SLC22A25: variants seen among roughly 807,000 people sequenced by gnomAD.
SLC22A25 encodes MGI:2442751, MGI:2385316, MGI:3042283, MGI:3645714, MGI:3605624, MGI:2442750.
SLC22A25 carries 44 observed loss-of-function variants against 45.9 expected under a neutral mutation model. The ratio of observed to expected loss-of-function variants is 0.96; its 90% confidence interval spans 0.75 to 1.23. The LOEUF is 1.23. Among genes scored for constraint, SLC22A25 ranks in the 50% most tolerant of loss-of-function variants. The pLI is 0.00. For synonymous variants in SLC22A25, 283 were observed against 238.6 expected, an observed-to-expected ratio of 1.19 and a Z score of -1.72; for missense variants, 800 against 666.4, an observed-to-expected ratio of 1.20 and a Z score of -2.21.
chr11:63,166,175 AAG>A lies in SLC22A25; in HGVS notation c.1152_1153del (p.Phe385TrpfsTer73). The stretch of plus-strand genomic sequence containing the variant: ...ATTGGCCAGGAGGGTGACTGCACCA[AAG>A]AGAGTCTGCAACAGGAAAACATTGT... On this transcript the variant is annotated frameshift_variant, in exon 10 of 12. Coordinates refer to ENST00000306494, the MANE Select transcript of SLC22A25 (RefSeq NM_199352.6). LOFTEE classifies it high-confidence loss of function. 6.2e-7 allele frequency: 1 copy of A among 1,614,036 alleles called. No individual in the cohort carries two copies.
chr11:63,204,342 CAAATA>C lies in SLC22A25; in HGVS notation c.830+12967_830+12971del, dbSNP rs375224173. Among the ~76,000 whole-genome samples the C allele has an allele frequency of 3.5e-3, 539 of 152,164 alleles. 2 individuals carry two copies. Among genetic ancestry groups the C allele is most frequent in the African/African-American group, 0.012 (483 of 41,486 alleles). On this transcript the variant is annotated intron_variant, in intron 7 of 11. Transcript: ENST00000306494. ...TTAAATGTAAATGGGCTAAATGCCC[CAAATA>C]AAATACACAGATGGGCAAATTGGAT...
At chr11:63,241,052 T>C (rs527652706) in intron 1 of SLC22A25, among the ~76,000 whole-genome samples, 1 of 152,376 alleles carries the variant, frequency 6.6e-6, no homozygotes, top group Non-Finnish European at 1.5e-5. Flanking sequence ...TATCTTGTCA[T>C]GTTTAACTGC....
At chr11:63,170,033 G>A (rs185395819) in intron 9 of SLC22A25, among the ~76,000 whole-genome samples, 16 of 152,036 alleles carry the variant, frequency 1.1e-4, no homozygotes, top group Admixed American at 3.9e-4. Context: ...ACTCAACTAC[G>A]TGGAAACTGA....
At chr11:63,201,817 A>AAAAC (rs1554977882) in intron 7 of SLC22A25, among the ~76,000 whole-genome samples, 6 of 152,038 alleles carry the variant, frequency 3.9e-5, no homozygotes, top group Non-Finnish European at 4.4e-5. Context: ...TTCAATAAAA[A>AAAAC]AACCCCATTA....
In SLC22A25 at chr11:63,195,593, A is replaced by T. The variant is rs184440720; in HGVS notation, c.831-11776T>A. On this transcript the variant is annotated intron_variant, in intron 7 of 11. Transcript: ENST00000306494. ...CACAACATACCAGAATCTCTGGGACACATTCAAAGCAGTGTGTAGAGGGAA... is the reference window on the plus strand; with the variant it reads ...CACAACATACCAGAATCTCTGGGACTCATTCAAAGCAGTGTGTAGAGGGAA... Among the ~76,000 whole-genome samples the T allele has an allele frequency of 8.1e-3, 1,235 of 152,284 alleles. 14 individuals carry two copies. Among genetic ancestry groups the T allele is most frequent in the African/African-American group, 0.027 (1,124 of 41,566 alleles).
At chr11:63,191,438 C>A (rs10750997) in intron 7 of SLC22A25, among the ~76,000 whole-genome samples, 39 of 152,266 alleles carry the variant, frequency 2.6e-4, no homozygotes, top group East Asian at 3.9e-4. Context: ...TCTGGGTGCC[C>A]TCTGTCACCC....
chr11:63,166,332 C>T, intron 9 of SLC22A25, 74 bp from the exon 10 acceptor site: 1 of 1,547,044 alleles, frequency 6.5e-7, no homozygotes. Flanking sequence ...ATAATATTGG[C>T]CCAGGTAGCC....
chr11:63,166,499 T>TTATG, intron 9 of SLC22A25: 2 of 1,230,592 alleles, frequency 1.6e-6, no homozygotes, highest in Non-Finnish European at 2.0e-6. Flanking sequence ...GCTATGGGGT[T>TTATG]TATTTATTTA....
intron 5 of SLC22A25, among the ~76,000 whole-genome samples, chr11:63,227,970 C>G (rs1000611817): frequency 1.4e-4 from 21 of 152,242 alleles, no homozygotes; most frequent in Admixed American, 1.3e-3. Context: ...CCCAAGTGCA[C>G]AGATTCTCTG....
intron 5 of SLC22A25, among the ~76,000 whole-genome samples, chr11:63,221,256 G>T (rs1456233933): frequency 1.3e-5 from 2 of 152,090 alleles, no homozygotes; most frequent in Admixed American, 6.6e-5. Flanking sequence ...GTTCATGAGG[G>T]TTCCCTTTTC....
chr11:63,194,560 G>A (rs1427021703), intron 7 of SLC22A25, among the ~76,000 whole-genome samples: 2 of 151,936 alleles, frequency 1.3e-5, no homozygotes, highest in East Asian at 3.8e-4. Flanking sequence ...AGCTCCTCAA[G>A]GAAGCACTAA....
Position 63,166,868 on chromosome 11 carries a change from G to A in SLC22A25, c.1071-610C>T, listed in dbSNP as rs369473344. 53 of 985,330 alleles carry A rather than the reference G, an allele frequency of 5.4e-5. No homozygotes were observed. The African/African-American group carries it at 8.7e-4, about 16-fold the overall frequency. The allele number at this position is 985,330 out of a possible 1,614,324, so 61.0% of individuals were successfully genotyped here. On this transcript the variant is annotated intron_variant, in intron 9 of 11. Transcript: ENST00000306494. ...GTTTTATTTTTTGGAATAAGAGGTA[G>A]TCGATAGAGACAGCTGGCAAGATGG... is the stretch of plus-strand genomic sequence containing the variant.
chr11:63,158,571 C>T lies in SLC22A25; in HGVS notation c.*5253G>A, dbSNP rs995194692. ...TCATGGAGAATGGGGTATCCATCTT[C>T]TCAGTCATTTATCCTTTGTGTTACA... On this transcript the variant is annotated 3_prime_UTR_variant, in exon 12 of 12. Transcript: ENST00000306494. Among the ~76,000 whole-genome samples, 16 of 152,244 alleles carry T rather than the reference C, an allele frequency of 1.1e-4. No individual in the cohort carries two copies. The highest frequency in any genetic ancestry group is 3.9e-4 in the African/African-American group (16 of 41,542).
chr11:63,182,482 A>G (rs2088365912), intron 8 of SLC22A25, among the ~76,000 whole-genome samples: 1 of 151,390 alleles, frequency 6.6e-6, no homozygotes, highest in Admixed American at 6.6e-5. Flanking sequence ...CACTATATAT[A>G]TATATATATT....
intron 7 of SLC22A25, among the ~76,000 whole-genome samples, chr11:63,194,029 G>C (rs2088911219): frequency 6.6e-6 from 1 of 152,178 alleles, no homozygotes; most frequent in Non-Finnish European, 1.5e-5. Context: ...ACATGCTTCA[G>C]TAGCCAATTC....
At chr11:63,237,807 G>A (rs1465971250) in intron 3 of SLC22A25, 74 bp downstream of exon 3, 3 of 152,138 alleles carry the variant, frequency 2.0e-5, no homozygotes, top group Admixed American at 2.0e-4. Flanking sequence ...GACCAAGGTA[G>A]CCCCAGGACA....
At chr11:63,190,327 T>C (rs1047936448) in intron 7 of SLC22A25, among the ~76,000 whole-genome samples, 1 of 152,206 alleles carries the variant, frequency 6.6e-6, no homozygotes, top group Non-Finnish European at 1.5e-5. Context: ...TTTCTTCCAG[T>C]TGATTGAATC....
At chr11:63,222,709 G>T (rs185903538) in intron 5 of SLC22A25, among the ~76,000 whole-genome samples, 1 of 152,154 alleles carries the variant, frequency 6.6e-6, no homozygotes, top group East Asian at 1.9e-4. Flanking sequence ...AGATCTTAGA[G>T]AAAAGGCTTT....
chr11:63,201,236 A>G (rs2089233438), intron 7 of SLC22A25, among the ~76,000 whole-genome samples: 1 of 152,176 alleles, frequency 6.6e-6, no homozygotes, highest in Non-Finnish European at 1.5e-5. Flanking sequence ...GGCATCCATC[A>G]TGCTACCCAA....
Sources: allele counts gnomAD v4.1 joint callset (sites outside exome capture counted in the v4.1 genomes callset), GRCh38; gene constraint gnomAD v4.1.1; transcripts MANE v1.5; gene names NCBI Gene and HGNC (gene_info 2026-07-23, HGNC 2026-07-21).